The following EHMT1 variants were observed in gnomAD, a reference collection of about 807,000 sequenced individuals.
EHMT1 encodes the protein histone-lysine N-methyltransferase EHMT1.
A neutral mutation model predicts 147.2 loss-of-function variants in EHMT1; 15 were observed. The observed-to-expected ratio is 0.10, with a 90% CI of 0.07 to 0.16. The LOEUF (loss-of-function observed/expected upper bound fraction) is 0.16, where lower values mean the gene tolerates loss of function less well. Ranked by LOEUF, EHMT1 falls within the 10% of genes least tolerant of loss-of-function variation. EHMT1 has a pLI of 1.00. For missense variants in EHMT1, 1,587 were observed against 1,772.4 expected (o/e 0.90, Z 1.88); for synonymous variants, 795 against 709.6 (o/e 1.12, Z -1.91).
At position 137,776,809 on chromosome 9, in the gene EHMT1, G is replaced by A. The variant is rs143204067; in HGVS notation, c.1983G>A (p.Ser661=). The change falls in exon 12 of 27, where the codon TCG becomes TCA. Residue 661 remains serine, a synonymous_variant. Coordinates refer to ENST00000460843, the MANE Select transcript of EHMT1 (RefSeq NM_024757.5). The surrounding 1 kb of genome is among the most constrained non-coding windows in gnomAD (Gnocchi z 4.4). Reference sequence around the variant, plus strand: ...CAGTCCCCGGGCAGGAGAAGGGCTCGGCCCTGGAGGGCAGGGCCGACACCA... The same window carrying A: ...CAGTCCCCGGGCAGGAGAAGGGCTCAGCCCTGGAGGGCAGGGCCGACACCA... ...VTPVPGQEKG[S]ALEGRADTTT... is the part of the protein sequence containing the mutation. 171 of 1,613,906 alleles carry A rather than the reference G, an allele frequency of 1.1e-4. No individual in the cohort carries two copies. The African/African-American group carries it at 1.8e-3, about 17-fold the overall frequency.
chr9:137,819,828 G>T (rs1284411105), intron 25 of EHMT1, among the ~76,000 whole-genome samples: 1 of 152,082 alleles, frequency 6.6e-6, no homozygotes, highest in Non-Finnish European at 1.5e-5. Flanking sequence ...TCTTGTGTGG[G>T]AGAGAGCAGG....
At position 137,818,550 on chromosome 9, in the gene EHMT1, AC is replaced by A. The variant is rs1167083609; in HGVS notation, c.3540+413del. On this transcript the variant is annotated intron_variant, in intron 25 of 26. Transcript: ENST00000460843. ...ATGTACCGAGACTGTAGAGAGGCCG[AC>A]TGAGGGGCGCCGTGTACCGAGACCG... Among the ~76,000 whole-genome samples the A allele has an allele frequency of 2.2e-4, 31 of 141,366 alleles. 1 individual carries two copies. The highest frequency in any genetic ancestry group is 3.6e-3 in the Middle Eastern group (1 of 280). The allele number at this position is 141,366 out of a possible 152,430, so 92.7% of individuals were successfully genotyped here.
Position 137,813,399 on chromosome 9 carries a change from G to A in EHMT1, c.3049G>A (p.Gly1017Ser). ...ERIVSRDIARGYERIPIPCVN... is the reference protein window; with the variant it reads ...ERIVSRDIARSYERIPIPCVN... ...TTTCCATGGCAGGGACATCGCTCGA[G>A]GCTACGAGCGCATCCCCATCCCCTG... The change falls in exon 21 of 27, where the codon GGC becomes AGC. Residue 1017 changes from glycine to serine, a missense_variant. Transcript: ENST00000460843. The surrounding 1 kb of genome is among the most constrained non-coding windows in gnomAD (Gnocchi z 4.9). 1 of 1,612,406 alleles carries A rather than the reference G, an allele frequency of 6.2e-7. No individual in the cohort carries two copies. Among genetic ancestry groups the A allele is most frequent in the Non-Finnish European group, 8.5e-7 (1 of 1,179,616 alleles).
At position 137,713,913 on chromosome 9, in the gene EHMT1, GCACT is replaced by G. The variant is rs1944968930; in HGVS notation, c.86-2711_86-2708del. ...TGCAGTGGGCAGAGATCATGCCATT[GCACT>G]CCAGCCTGGGTGACACAGCGAGACT... On this transcript the variant is annotated intron_variant, in intron 2 of 26. Coordinates refer to ENST00000460843, the MANE Select transcript of EHMT1 (RefSeq NM_024757.5). 5.9e-5 allele frequency among the ~76,000 whole-genome samples: 9 copies of G among 152,198 alleles called. No homozygotes were observed. The South Asian group carries it at 1.9e-3, about 32-fold the overall frequency.
chr9:137,792,365 C>T (rs925720025), intron 16 of EHMT1: 3 of 251,084 alleles, frequency 1.2e-5, no homozygotes, highest in Non-Finnish European at 2.4e-5. Flanking sequence ...TATCCACATC[C>T]AGAAGCGTGA....
intron 25 of EHMT1, among the ~76,000 whole-genome samples, chr9:137,821,087 G>C (rs1474789847): frequency 6.6e-6 from 1 of 152,154 alleles, no homozygotes; most frequent in African/African-American, 2.4e-5. Flanking sequence ...CCATGTTAGC[G>C]GGATGGTCTT....
At chr9:137,729,702 C>T (rs1345070350) in intron 4 of EHMT1, among the ~76,000 whole-genome samples, 2 of 152,092 alleles carry the variant, frequency 1.3e-5, no homozygotes, top group East Asian at 3.9e-4. Context: ...CACAATCTCG[C>T]CCCCGGCCCC....
At chr9:137,673,518 C>A (rs1015027871) in intron 1 of EHMT1, among the ~76,000 whole-genome samples, 3 of 152,140 alleles carry the variant, frequency 2.0e-5, no homozygotes, top group Non-Finnish European at 2.9e-5. Context: ...GAGCTGAAGG[C>A]AGTGTGAAGC....
At chr9:137,658,421 G>GA (rs1227569263) in intron 1 of EHMT1, among the ~76,000 whole-genome samples, 1 of 152,138 alleles carries the variant, frequency 6.6e-6, no homozygotes, top group African/African-American at 2.4e-5. Flanking sequence ...AAAATGCTGG[G>GA]ATTAGAAGCG....
intron 9 of EHMT1, among the ~76,000 whole-genome samples, chr9:137,760,544 G>A (rs1949722542): frequency 6.6e-6 from 1 of 152,230 alleles, no homozygotes; most frequent in Admixed American, 6.5e-5. Context: ...GGCAGCACAT[G>A]ATTAGGAAGT....
At chr9:137,759,756 T>C (rs1034958006) in intron 9 of EHMT1, among the ~76,000 whole-genome samples, 4 of 152,232 alleles carry the variant, frequency 2.6e-5, no homozygotes, top group African/African-American at 9.6e-5. Flanking sequence ...CCCACTGTGC[T>C]GGTGCTGGCC....
chr9:137,721,175 A>AC (rs11352522), intron 3 of EHMT1, among the ~76,000 whole-genome samples: 2 of 49,122 alleles, frequency 4.1e-5, no homozygotes, highest in South Asian at 6.6e-4. Flanking sequence ...TCTCACACTC[A>AC]CCCCCTCCCA....
rs1398620170 is a variant in EHMT1 at position 137,742,010 on chromosome 9, G to A, written c.824-1361G>A. On this transcript the variant is annotated intron_variant, in intron 4 of 26. Transcript: ENST00000460843. ...AAGGGATTTCTGTTGCTTGAGCACA[G>A]CCATGCTGGCCTGTCAGCCTGTTAT... Among the ~76,000 whole-genome samples the A allele has an allele frequency of 2.0e-5, 3 of 152,206 alleles. 1 individual carries two copies. The East Asian group carries it at 5.8e-4, about 29-fold the overall frequency.
chr9:137,796,520 C>A (rs1952956353), intron 16 of EHMT1, among the ~76,000 whole-genome samples: 1 of 151,650 alleles, frequency 6.6e-6, no homozygotes, highest in Admixed American at 6.6e-5. Context: ...CTGGCTAACA[C>A]AGTGAAACCC....
intron 1 of EHMT1, among the ~76,000 whole-genome samples, chr9:137,705,624 C>CGGGCGCAGAGGTCAGGCT (rs1341588991): frequency 3.3e-5 from 5 of 152,294 alleles, no homozygotes; most frequent in African/African-American, 7.2e-5. Context: ...TTTTGCCGTG[C>CGGGCGCAGAGGTCAGGCT]GGGCGCAGAG....
intron 9 of EHMT1, among the ~76,000 whole-genome samples, chr9:137,760,071 A>G (rs1193414287): frequency 6.6e-6 from 1 of 152,198 alleles, no homozygotes; most frequent in Non-Finnish European, 1.5e-5. Flanking sequence ...CCCAGCAGCA[A>G]CAGGAGGCAG....
intron 1 of EHMT1, among the ~76,000 whole-genome samples, chr9:137,682,705 C>T (rs1435080916): frequency 3.3e-5 from 5 of 152,338 alleles, no homozygotes; most frequent in East Asian, 1.9e-4. Flanking sequence ...TCCCCGTGGG[C>T]GGTGAGCTGT....
At chr9:137,632,140 C>T (rs1015072480) in intron 1 of EHMT1, among the ~76,000 whole-genome samples, 2 of 152,170 alleles carry the variant, frequency 1.3e-5, no homozygotes, top group African/African-American at 2.4e-5. Context: ...CACCTGATGA[C>T]GCATATCTCC....
At position 137,623,437 on chromosome 9, in the gene EHMT1, T is replaced by C. The variant is rs949124134; in HGVS notation, c.21+4388T>C. Reference sequence around the variant, plus strand: ...TATTTACTCTTTTTTTTTTTTGAGATGGAGGTCCGCTCCGTCGCCCAGGCT... The same window carrying C: ...TATTTACTCTTTTTTTTTTTTGAGACGGAGGTCCGCTCCGTCGCCCAGGCT... On this transcript the variant is annotated intron_variant, in intron 1 of 26. Coordinates refer to ENST00000460843, the MANE Select transcript of EHMT1 (RefSeq NM_024757.5). Among the ~76,000 whole-genome samples, 44 of 151,632 alleles carry C rather than the reference T, an allele frequency of 2.9e-4. 1 individual carries two copies. The highest frequency in any genetic ancestry group is 1.0e-3 in the African/African-American group (43 of 41,280).
Sources: gnomAD v4.1 joint callset for allele counts (sites outside exome capture counted in the v4.1 genomes callset) on GRCh38, gnomAD v4.1.1 for gene constraint, Gnocchi (gnomAD v3.1) non-coding constraint, MANE v1.5 for transcripts, NCBI Gene and HGNC (gene_info 2026-07-23, HGNC 2026-07-21) for gene names.